The following VCAN variants were observed in gnomAD, a reference collection of about 807,000 sequenced individuals.
VCAN encodes versican, also known as versican core protein.
Under a neutral mutation model 245.5 loss-of-function variants are expected in VCAN, and 44 were observed. That is an observed-to-expected ratio of 0.18 (90% CI 0.14 to 0.23). VCAN has a LOEUF of 0.23. VCAN is among the 10% of genes least tolerant of loss of function. VCAN has a pLI of 1.00. For missense variants in VCAN, 3,793 were observed against 4,057.9 expected (o/e 0.93, Z 1.77); for synonymous variants, 1,413 against 1,437.0 (o/e 0.98, Z 0.38).
intron 5 of VCAN, among the ~76,000 whole-genome samples, chr5:83,497,427 T>C (rs1745193544): frequency 6.6e-6 from 1 of 152,180 alleles, no homozygotes; most frequent in South Asian, 2.1e-4. Flanking sequence ...ATAACAGTTA[T>C]GCATATTCAA....
intron 5 of VCAN, among the ~76,000 whole-genome samples, chr5:83,507,113 C>T (rs1323329358): frequency 1.3e-5 from 2 of 152,160 alleles, no homozygotes; most frequent in East Asian, 3.9e-4. Flanking sequence ...AAAACATTTT[C>T]TCATGGATAG....
chr5:83,538,700 A>G lies in VCAN; in HGVS notation c.5697A>G (p.Ile1899Met). The G allele has an allele frequency of 6.2e-7, 1 of 1,614,108 alleles. No homozygotes were observed. The highest frequency in any genetic ancestry group is 8.5e-7 in the Non-Finnish European group (1 of 1,179,982). ...TVMDRVVAEN[I>M]TQTSREIVIS... ...TGGACAGAGTAGTTGCTGAAAATAT[A>G]ACCCAAACATCCAGGGAAATAGTGA... Residue 1899 changes from isoleucine (I) to methionine (M), a missense_variant, in exon 8 of 15, where the codon ATA (isoleucine) becomes ATG (methionine). Ile to Met is a conservative substitution (Grantham distance 10, BLOSUM62 1). Transcript: ENST00000265077.
chr5:83,549,339 C>A (rs1002696278), intron 10 of VCAN, among the ~76,000 whole-genome samples: 2 of 152,160 alleles, frequency 1.3e-5, no homozygotes, highest in Non-Finnish European at 2.9e-5. Context: ...AAATTTAGTT[C>A]TTTACAGACT....
At chr5:83,499,371 C>T (rs974464800) in intron 5 of VCAN, among the ~76,000 whole-genome samples, 8 of 152,040 alleles carry the variant, frequency 5.3e-5, no homozygotes, top group Admixed American at 3.3e-4. Context: ...AGAGCCTGTT[C>T]CAATTGCAGA....
chr5:83,547,859 TGA>T, intron 9 of VCAN, 110 bp from the exon 10 acceptor site: 1 of 810,182 alleles, frequency 1.2e-6, no homozygotes, highest in South Asian at 1.4e-5. Flanking sequence ...TTTTAAAATC[TGA>T]AATTCAAATT....
Position 83,541,255 on chromosome 5 carries a change from A to G in VCAN, c.8252A>G (p.Tyr2751Cys), listed in dbSNP as rs1382601538. The G allele has an allele frequency of 1.2e-6, 2 of 1,613,994 alleles. No individual in the cohort carries two copies. Among genetic ancestry groups the G allele is most frequent in the South Asian group, 2.2e-5 (2 of 91,082 alleles). The change falls in exon 8 of 15, where the codon TAT becomes TGT. Residue 2751 changes from tyrosine (Y) to cysteine (C), a missense_variant. Tyr to Cys is a radical substitution (Grantham distance 194, BLOSUM62 -2). Around this residue, in one of 5 missense-constraint regions of VCAN, gnomAD observed 3,182 missense variants for 3,250.3 expected, o/e 0.98. Transcript: ENST00000265077. ...LGQFERTQEE[Y>C]EDKKHAGPSF... ...CAATTTGAAAGGACTCAGGAGGAGT[A>G]TGAAGACAAAAAACATGCTGGTCCT...
chr5:83,494,852 G>A (rs1200831339), intron 5 of VCAN, among the ~76,000 whole-genome samples: 1 of 152,064 alleles, frequency 6.6e-6, no homozygotes, highest in Non-Finnish European at 1.5e-5. Flanking sequence ...CTTAGGAAGT[G>A]AGAGAAGTGT....
Position 83,521,660 on chromosome 5 carries a change from A to G in VCAN, c.3354A>G (p.Glu1118=). ...CTGAGCACAAAGTGAAAACAGATGA[A>G]GTGGTAACACTAACACCACGCATTG... ...AVTEHKVKTD[E]VVTLTPRIGP... Residue 1118 remains glutamate, a synonymous_variant, in exon 7 of 15, where the codon GAA becomes GAG. Transcript: ENST00000265077. The G allele has an allele frequency of 6.2e-7, 1 of 1,613,920 alleles. No homozygotes were observed. Among genetic ancestry groups the G allele is most frequent in the Non-Finnish European group, 8.5e-7 (1 of 1,180,026 alleles).
At chr5:83,575,628 A>C (rs1748444555) in intron 13 of VCAN, among the ~76,000 whole-genome samples, 3 of 152,210 alleles carry the variant, frequency 2.0e-5, no homozygotes. Flanking sequence ...GCATTAAAGC[A>C]TGTTTAGCAT....
At chr5:83,546,209 C>G (rs1024122054) in intron 9 of VCAN, among the ~76,000 whole-genome samples, 8 of 151,384 alleles carry the variant, frequency 5.3e-5, no homozygotes, top group African/African-American at 2.0e-4. Context: ...CCTCACACTC[C>G]CATATTCTTA....
rs1191945202 is a variant in VCAN, at chr5:83,542,163, G to A, written c.9160G>A (p.Glu3054Lys). ...AGTAAACCCTGTGGAATTTAATACT[G>A]AGGTTGCAACACCACCATTTTCCCT... Reference protein sequence around the residue: ...ATVNPVEFNTEVATPPFSLLE... With the variant: ...ATVNPVEFNTKVATPPFSLLE... Residue 3054 changes from glutamate (E) to lysine (K), a missense_variant, in exon 8 of 15, where the codon GAG (glutamate) becomes AAG (lysine). Transcript: ENST00000265077. The A allele has an allele frequency of 6.2e-7, 1 of 1,613,944 alleles. No individual in the cohort carries two copies. The highest frequency in any genetic ancestry group is 2.2e-5 in the East Asian group (1 of 44,892).
chr5:83,580,199 A>G (rs770093880), intron 14 of VCAN, 37 bp downstream of exon 14: 22 of 1,613,866 alleles, frequency 1.4e-5, no homozygotes, highest in Non-Finnish European at 1.8e-5. Flanking sequence ...CTACCGTGCT[A>G]TAACAACTAC....
intron 6 of VCAN, chr5:83,513,075 T>C (rs1745717071): frequency 6.6e-6 from 1 of 152,218 alleles, no homozygotes; most frequent in South Asian, 2.1e-4. Context: ...TCAACATTCA[T>C]GATATAATTA....
intron 7 of VCAN, 39 bp from the exon 8 acceptor site, chr5:83,536,968 T>A: frequency 6.5e-7 from 1 of 1,533,682 alleles, no homozygotes; most frequent in Admixed American, 2.1e-5. Context: ...CACTGCCAAA[T>A]TTTCTATTTA....
rs748974379 is a variant in VCAN, at chr5:83,538,291, C to A, written c.5288C>A (p.Thr1763Lys). ...GAATTAGAAAGTCCAAATGTAGCTACATCTAGTGATTCAGGTACCAGGAAA... is the reference window on the plus strand; with the variant it reads ...GAATTAGAAAGTCCAAATGTAGCTAAATCTAGTGATTCAGGTACCAGGAAA... ...PFELESPNVA[T>K]SSDSGTRKSF... is the part of the protein sequence containing the mutation. The change falls in exon 8 of 15, where the codon ACA becomes AAA. Residue 1763 changes from threonine (T) to lysine (K), a missense_variant. Transcript: ENST00000265077. The A allele has an allele frequency of 6.2e-7, 1 of 1,614,070 alleles. No individual in the cohort carries two copies. Among genetic ancestry groups the A allele is most frequent in the African/African-American group, 1.3e-5 (1 of 75,038 alleles).
In VCAN at chr5:83,581,370, T is replaced by C. The variant is rs1377130184; in HGVS notation, c.*936T>C. 1 of 148,882 alleles carries C rather than the reference T, an allele frequency of 6.7e-6. No individual in the cohort carries two copies. The highest frequency in any genetic ancestry group is 2.5e-5 in the African/African-American group (1 of 40,318). 9.2% of individuals were successfully genotyped at this position (148,882 alleles called of 1,614,324 possible). On this transcript the variant is annotated 3_prime_UTR_variant, in exon 15 of 15. Transcript: ENST00000265077. ...AATTTTGTATATATAACCATTTTAATCTTTTATAAAGTTTTGAATGTTCAT... is the reference window on the plus strand; with the variant it reads ...AATTTTGTATATATAACCATTTTAACCTTTTATAAAGTTTTGAATGTTCAT...
intron 7 of VCAN, among the ~76,000 whole-genome samples, chr5:83,523,309 T>G (rs1405563989): frequency 6.6e-6 from 1 of 152,124 alleles, no homozygotes; most frequent in Admixed American, 6.6e-5. Flanking sequence ...CGATCATGGA[T>G]TTTAGTTAAT....
chr5:83,492,937 A>G (rs149929590), intron 3 of VCAN, among the ~76,000 whole-genome samples: 343 of 152,374 alleles, frequency 2.3e-3, no homozygotes, highest in African/African-American at 7.5e-3. Flanking sequence ...ATTAAAGCTC[A>G]GAGAAACTGA....
intron 1 of VCAN, among the ~76,000 whole-genome samples, chr5:83,475,792 AT>A (rs1364442914): frequency 6.6e-6 from 1 of 152,196 alleles, no homozygotes; most frequent in Non-Finnish European, 1.5e-5. Flanking sequence ...TTGTGAGAAG[AT>A]TAGGTAGGAA....
Sources: allele counts gnomAD v4.1 joint callset (sites outside exome capture counted in the v4.1 genomes callset), GRCh38; gene constraint gnomAD v4.1.1; regional missense constraint gnomAD v4.1.1; transcripts MANE v1.5; gene names NCBI Gene and HGNC (gene_info 2026-07-23, HGNC 2026-07-21).